Variants in CFAP251 observed in about 807,000 individuals in gnomAD.
CFAP251 encodes cilia- and flagella-associated protein 251.
Under a neutral mutation model 126.7 loss-of-function variants are expected in CFAP251, and 93 were observed. The observed-to-expected ratio is 0.73, with a 90% confidence interval of 0.62 to 0.87. The LOEUF (loss-of-function observed/expected upper bound fraction) is 0.87, where lower values mean the gene tolerates loss of function less well. CFAP251 is among the 40% of genes least tolerant of loss of function. The pLI is 0.00. For synonymous variants in CFAP251, 503 were observed against 506.9 expected (o/e 0.99, Z 0.10); for missense variants, 1,287 against 1,389.2 (o/e 0.93, Z 1.17).
At chr12:121,958,629 C>G in intron 12 of CFAP251, 107 bp downstream of exon 12, 1 of 1,519,356 alleles carries the variant, frequency 6.6e-7, no homozygotes, top group Non-Finnish European at 8.9e-7. Context: ...ACTCCAGCCC[C>G]CAGCAGGCTG....
In CFAP251 at chr12:121,955,788, T is replaced by C. The variant is rs146332296; in HGVS notation, c.1536-1286T>C. ...GAGCGAGAAGATAGGAGAACTGCAG[T>C]TGGCCATGCAATCAACCTTTAATCG... On this transcript the variant is annotated intron_variant, in intron 10 of 21. Coordinates refer to ENST00000288912, the MANE Select transcript of CFAP251 (RefSeq NM_144668.6). 1.2e-3 allele frequency: 181 copies of C among 152,308 alleles called. 2 individuals are homozygous for C. The highest frequency in any genetic ancestry group is 4.0e-3 in the African/African-American group (167 of 41,574). 9.4% of individuals were successfully genotyped at this position (152,308 alleles called of 1,614,324 possible).
intron 8 of CFAP251, chr12:121,949,469 A>G (rs1881442938): frequency 6.7e-6 from 1 of 150,298 alleles, no homozygotes; most frequent in African/African-American, 2.5e-5. Context: ...ACCTGGCTCT[A>G]AAATACAGCA....
At chr12:121,963,118 T>G (rs549912739) in intron 15 of CFAP251, among the ~76,000 whole-genome samples, 2 of 152,110 alleles carry the variant, frequency 1.3e-5, no homozygotes, top group African/African-American at 4.8e-5. Flanking sequence ...GAGAGCAGAC[T>G]CTGGGGCGCA....
intron 12 of CFAP251, 100 bp downstream of exon 12, chr12:121,958,622 C>T: frequency 6.5e-7 from 1 of 1,546,950 alleles, no homozygotes; most frequent in Non-Finnish European, 8.8e-7. Flanking sequence ...CTCCCCGACT[C>T]CAGCCCCCAG....
At chr12:121,980,502 C>T (rs1882594840) in intron 19 of CFAP251, among the ~76,000 whole-genome samples, 1 of 151,558 alleles carries the variant, frequency 6.6e-6, no homozygotes. Context: ...GAGCGTGCCA[C>T]CATGCTCTGC....
intron 19 of CFAP251, among the ~76,000 whole-genome samples, chr12:121,979,198 T>TA (rs1470744272): frequency 1.3e-5 from 2 of 152,178 alleles, no homozygotes; most frequent in Non-Finnish European, 1.5e-5. Context: ...ACGAGGACCT[T>TA]AAAATCACCA....
intron 3 of CFAP251, among the ~76,000 whole-genome samples, chr12:121,928,945 C>T (rs1013249198): frequency 2.0e-5 from 3 of 151,928 alleles, no homozygotes; most frequent in East Asian, 1.9e-4. Flanking sequence ...AATCCACTCA[C>T]CTCAGCCTCC....
chr12:121,951,329 G>A (rs928493672), intron 8 of CFAP251, 151 bp from the exon 9 acceptor site: 11 of 465,368 alleles, frequency 2.4e-5, no homozygotes, highest in African/African-American at 1.9e-4. Flanking sequence ...AATGTTTTTA[G>A]ATATTTCCCA....
chr12:121,968,494 G>A (rs529441389), intron 17 of CFAP251, among the ~76,000 whole-genome samples: 1 of 152,192 alleles, frequency 6.6e-6, no homozygotes, highest in East Asian at 1.9e-4. Flanking sequence ...ATATACTACG[G>A]AAATAGTAAG....
intron 3 of CFAP251, among the ~76,000 whole-genome samples, chr12:121,928,704 A>ATTTTT (rs60425515): frequency 5.0e-5 from 3 of 60,350 alleles, no homozygotes; most frequent in African/African-American, 1.2e-4. Flanking sequence ...ATATATATAT[A>ATTTTT]TTTTTTTTTT....
chr12:121,920,492 G>A (rs1306200610), intron 1 of CFAP251, among the ~76,000 whole-genome samples: 3 of 151,730 alleles, frequency 2.0e-5, no homozygotes, highest in African/African-American at 7.2e-5. Flanking sequence ...CGCCTCCCGG[G>A]TTCACACCAT....
At chr12:121,941,875 GA>G (rs1218141966) in intron 5 of CFAP251, among the ~76,000 whole-genome samples, 1 of 152,166 alleles carries the variant, frequency 6.6e-6, no homozygotes, top group Non-Finnish European at 1.5e-5. Context: ...ACTGCTTCTA[GA>G]AAAGTGCTGC....
At position 121,921,505 on chromosome 12, in the gene CFAP251, A is replaced by T. The variant is rs747155914; in HGVS notation, c.200A>T (p.Lys67Met). ...GAGGAGGAAGGGGAGGAGGAGGGGA[A>T]GGAGGACAAAAAGATTGTCATGGAA... is the stretch of plus-strand genomic sequence containing the variant. ...TGEEEGEEEG[K>M]EDKKIVMEET... is the part of the protein sequence containing the mutation. The change falls in exon 2 of 22, where the codon AAG becomes ATG. Residue 67 changes from lysine (K) to methionine (M), a missense_variant. Lys to Met is a moderately conservative substitution (Grantham distance 95). Transcript: ENST00000288912. The T allele has an allele frequency of 6.2e-7, 1 of 1,612,836 alleles. No homozygotes were observed. The highest frequency in any genetic ancestry group is 8.5e-7 in the Non-Finnish European group (1 of 1,179,540).
intron 17 of CFAP251, chr12:121,969,327 A>G: frequency 1.0e-6 from 1 of 985,436 alleles, no homozygotes; most frequent in Non-Finnish European, 1.2e-6. Context: ...CTGAGAGAGC[A>G]GATCTTGGGA....
intron 19 of CFAP251, among the ~76,000 whole-genome samples, chr12:121,996,371 G>C (rs1251731323): frequency 6.6e-6 from 1 of 152,270 alleles, no homozygotes. Context: ...CTAATTCCTA[G>C]CCCTTTCACT....
Position 121,942,557 on chromosome 12 carries a change from AC to A in CFAP251, c.1023del (p.Asp341GlufsTer14). The A allele has an allele frequency of 6.2e-7, 1 of 1,613,764 alleles. No individual in the cohort carries two copies. The highest frequency in any genetic ancestry group is 8.5e-7 in the Non-Finnish European group (1 of 1,179,856). On this transcript the variant is annotated frameshift_variant, in exon 6 of 22. Transcript: ENST00000288912. LOFTEE classifies it high-confidence loss of function. ...FTGIPVHTIF[D>X]SCPEGNGIMA... ...AGTATTCCTGTGCACACAATATTTGACAGCTGCCCTGAAGGGAATGGCATCA... is the reference window on the plus strand; with the variant it reads ...AGTATTCCTGTGCACACAATATTTGAAGCTGCCCTGAAGGGAATGGCATCA...
rs765316200 is a variant in CFAP251, at chr12:121,962,080, C to T, written c.2410C>T (p.Pro804Ser). ...CYPTCMVWYP[P>S]LTRELFLLIC... is the part of the protein sequence containing the mutation. ...TCCCACCTGCATGGTCTGGTACCCA[C>T]CACTCACCAGGGAACTCTTCCTGCT... Residue 804 changes from proline to serine, a missense_variant, in exon 15 of 22, where the codon CCA (proline) becomes TCA (serine). By Grantham distance (74) the Pro-to-Ser change is moderately conservative (BLOSUM62 -1). Coordinates refer to ENST00000288912, the MANE Select transcript of CFAP251 (RefSeq NM_144668.6). 1.2e-6 allele frequency: 2 copies of T among 1,614,022 alleles called. No individual in the cohort carries two copies. The highest frequency in any genetic ancestry group is 1.7e-6 in the Non-Finnish European group (2 of 1,180,040).
chr12:121,948,823 A>G (rs1177296679), intron 7 of CFAP251, 161 bp from the exon 8 acceptor site: 1 of 496,834 alleles, frequency 2.0e-6, no homozygotes, highest in African/African-American at 2.0e-5. Context: ...AATCACCAGT[A>G]TTTAAATGAT....
intron 19 of CFAP251, among the ~76,000 whole-genome samples, chr12:121,980,610 A>T (rs1482795919): frequency 1.3e-5 from 2 of 152,036 alleles, no homozygotes; most frequent in African/African-American, 4.8e-5. Context: ...AGCCTCCCAC[A>T]GTGCTGGGAT....
Sources: gnomAD v4.1 joint callset for allele counts (sites outside exome capture counted in the v4.1 genomes callset) on GRCh38, gnomAD v4.1.1 for gene constraint, MANE v1.5 for transcripts, NCBI Gene and HGNC (gene_info 2026-07-23, HGNC 2026-07-21) for gene names.